Variants in ZNF804A observed in about 807,000 individuals in gnomAD.
ZNF804A encodes zinc finger protein 804A.
ZNF804A carries 2 observed loss-of-function variants against 16.5 expected under a neutral mutation model. That is an observed-to-expected ratio of 0.12 (90% CI 0.05 to 0.38). ZNF804A has a LOEUF of 0.38. ZNF804A is among the 10% of genes least tolerant of loss of function. The pLI is 0.99. For missense variants in ZNF804A, 1,473 were observed against 1,390.7 expected (o/e 1.06, Z -0.94); for synonymous variants, 534 against 489.6 (o/e 1.09, Z -1.20).
intron 1 of ZNF804A, among the ~76,000 whole-genome samples, chr2:184,719,625 A>G (rs1251208306): frequency 1.3e-5 from 2 of 152,178 alleles, no homozygotes; most frequent in African/African-American, 4.8e-5. Context: ...AAAGTTCAAC[A>G]AATCTTTAGG....
chr2:184,744,720 T>G (rs1457139297), intron 1 of ZNF804A, among the ~76,000 whole-genome samples: 2 of 151,938 alleles, frequency 1.3e-5, no homozygotes, highest in Non-Finnish European at 2.9e-5. Context: ...CTGAAAAGTA[T>G]TAACAACTCA....
chr2:184,767,184 C>G (rs527446890), intron 1 of ZNF804A, among the ~76,000 whole-genome samples: 1 of 152,114 alleles, frequency 6.6e-6, no homozygotes, highest in Non-Finnish European at 1.5e-5. Context: ...GCTATTCTGA[C>G]TAACACACAA....
intron 1 of ZNF804A, among the ~76,000 whole-genome samples, chr2:184,648,000 T>G (rs1270668622): frequency 6.6e-6 from 1 of 152,044 alleles, no homozygotes; most frequent in Non-Finnish European, 1.5e-5. Context: ...GCTCAAATAA[T>G]GTACAAAGGG....
intron 1 of ZNF804A, among the ~76,000 whole-genome samples, chr2:184,739,966 A>C: frequency 6.6e-6 from 1 of 152,224 alleles, no homozygotes; most frequent in East Asian, 1.9e-4. Flanking sequence ...TCAGTTGTTG[A>C]ATTAATTGAA....
At chr2:184,704,150 GA>G (rs2105732897) in intron 1 of ZNF804A, among the ~76,000 whole-genome samples, 1 of 121,608 alleles carries the variant, frequency 8.2e-6, no homozygotes, top group Admixed American at 1.1e-4. Flanking sequence ...TGAGTTTCAG[GA>G]AATCTTTTTT....
intron 1 of ZNF804A, among the ~76,000 whole-genome samples, chr2:184,755,866 T>C (rs1462368801): frequency 6.6e-6 from 1 of 152,012 alleles, no homozygotes; most frequent in Non-Finnish European, 1.5e-5. Context: ...TTTTTCTGAA[T>C]TCTACTCCCA....
At chr2:184,690,371 C>T (rs1320928282) in intron 1 of ZNF804A, among the ~76,000 whole-genome samples, 1 of 151,954 alleles carries the variant, frequency 6.6e-6, no homozygotes, top group East Asian at 1.9e-4. Context: ...CTATTCCATT[C>T]TAGTTGTCTA....
chr2:184,710,213 G>T (rs971870405), intron 1 of ZNF804A, among the ~76,000 whole-genome samples: 1 of 151,544 alleles, frequency 6.6e-6, no homozygotes, highest in Non-Finnish European at 1.5e-5. Context: ...AAGTTTTGAA[G>T]TACGTGGGCA....
intron 1 of ZNF804A, among the ~76,000 whole-genome samples, chr2:184,817,215 G>T (rs562692480): frequency 4.6e-5 from 7 of 151,856 alleles, no homozygotes; most frequent in Non-Finnish European, 8.8e-5. Flanking sequence ...CATCTTTGCT[G>T]TTTCAGTCTC....
chr2:184,779,108 T>C (rs1288316813), intron 1 of ZNF804A, among the ~76,000 whole-genome samples: 2 of 151,694 alleles, frequency 1.3e-5, no homozygotes, highest in Non-Finnish European at 2.9e-5. Context: ...TTTTTCCCCT[T>C]TCTTCTGCTC....
chr2:184,884,574 C>A (rs1176234591), intron 2 of ZNF804A, among the ~76,000 whole-genome samples: 1 of 151,906 alleles, frequency 6.6e-6, no homozygotes, highest in African/African-American at 2.4e-5. Context: ...CTATGGTAAC[C>A]AGAGCACCAT....
intron 1 of ZNF804A, among the ~76,000 whole-genome samples, chr2:184,829,921 A>AC (rs1695233663): frequency 2.2e-5 from 2 of 92,216 alleles, no homozygotes; most frequent in African/African-American, 1.4e-4. Context: ...AAAAAAAAAA[A>AC]ACAAAAACAA....
intron 1 of ZNF804A, among the ~76,000 whole-genome samples, chr2:184,750,469 A>G (rs904548469): frequency 6.6e-6 from 1 of 151,526 alleles, no homozygotes; most frequent in African/African-American, 2.4e-5. Flanking sequence ...AATCCTGGGT[A>G]CAGACATATA....
chr2:184,716,984 G>T (rs1693224942), intron 1 of ZNF804A, among the ~76,000 whole-genome samples: 3 of 152,050 alleles, frequency 2.0e-5, no homozygotes, highest in Admixed American at 2.0e-4. Context: ...CCCTGGAAGA[G>T]CCTAGGTGGA....
At chr2:184,843,490 T>A (rs978946359) in intron 1 of ZNF804A, among the ~76,000 whole-genome samples, 3 of 151,902 alleles carry the variant, frequency 2.0e-5, no homozygotes, top group Non-Finnish European at 2.9e-5. Flanking sequence ...GCCAGGCTGG[T>A]CTCAAACTCC....
chr2:184,610,538 A>G (rs978689098), intron 1 of ZNF804A, among the ~76,000 whole-genome samples: 1 of 152,152 alleles, frequency 6.6e-6, no homozygotes, highest in Non-Finnish European at 1.5e-5. Flanking sequence ...TCAAGGACAA[A>G]AAGATGGAAT....
intron 1 of ZNF804A, among the ~76,000 whole-genome samples, chr2:184,800,930 G>A (rs1694715677): frequency 6.6e-6 from 1 of 151,952 alleles, no homozygotes; most frequent in Non-Finnish European, 1.5e-5. Context: ...TTTAAATGTA[G>A]ATCTGAGTTT....
intron 1 of ZNF804A, among the ~76,000 whole-genome samples, chr2:184,632,621 G>C (rs764125942): frequency 6.6e-6 from 1 of 152,120 alleles, no homozygotes; most frequent in African/African-American, 2.4e-5. Flanking sequence ...CAAGGGATCT[G>C]CCCGCCTCTG....
intron 1 of ZNF804A, among the ~76,000 whole-genome samples, chr2:184,707,106 C>T (rs1693043500): frequency 6.6e-6 from 1 of 152,082 alleles, no homozygotes; most frequent in South Asian, 2.1e-4. Flanking sequence ...CTCATTAGGA[C>T]TGACCTTGCA....
Sources: allele counts gnomAD v4.1 joint callset (sites outside exome capture counted in the v4.1 genomes callset), GRCh38; gene constraint gnomAD v4.1.1; transcripts MANE v1.5; gene names NCBI Gene and HGNC (gene_info 2026-07-23, HGNC 2026-07-21).